EYS: variants seen among roughly 807,000 people sequenced by gnomAD.
EYS encodes EGF-like photoreceptor maintenance factor, also known as protein eyes shut homolog.
Under a neutral mutation model 282.1 loss-of-function variants are expected in EYS, and 250 were observed. The observed-to-expected ratio is 0.89, with a 90% CI of 0.80 to 0.98. The LOEUF is 0.98. Ranked by LOEUF, EYS falls within the 50% of genes least tolerant of loss-of-function variation. EYS has a pLI of 0.00. For missense variants in EYS, 4,016 were observed against 3,709.0 expected (o/e 1.08, Z -2.15); for synonymous variants, 1,355 against 1,282.9 (o/e 1.06, Z -1.20).
intron 33 of EYS, among the ~76,000 whole-genome samples, chr6:63,999,966 A>G (rs923567547): frequency 1.3e-5 from 2 of 152,116 alleles, no homozygotes; most frequent in Non-Finnish European, 2.9e-5. Context: ...TATAAAGTTT[A>G]TTTCGTAGGG....
rs544750114 is a variant in EYS at position 63,897,649 on chromosome 6, T to C, written c.7056-33291A>G. On this transcript the variant is annotated intron_variant, in intron 35 of 42. Transcript: ENST00000503581. ...TGTCAGAACTGTGAGTGAAGACATATCTGTTGTTTTAAGTCACTAAGTTTG... is the reference window on the plus strand; with the variant it reads ...TGTCAGAACTGTGAGTGAAGACATACCTGTTGTTTTAAGTCACTAAGTTTG... Among the ~76,000 whole-genome samples, 7 of 152,354 alleles carry C rather than the reference T, an allele frequency of 4.6e-5. No individual in the cohort carries two copies. The South Asian group carries it at 1.4e-3, about 32-fold the overall frequency.
chr6:65,479,043 G>A (rs1765507807), intron 5 of EYS, among the ~76,000 whole-genome samples: 1 of 149,630 alleles, frequency 6.7e-6, no homozygotes, highest in African/African-American at 2.4e-5. Context: ...GAACTAAAAT[G>A]AATAGAGCCT....
chr6:63,906,149 C>A (rs536268341), intron 35 of EYS, among the ~76,000 whole-genome samples: 1 of 152,164 alleles, frequency 6.6e-6, no homozygotes, highest in Non-Finnish European at 1.5e-5. Flanking sequence ...AGGGTGTCTA[C>A]CTCAATTCTT....
At chr6:65,419,288 A>G (rs1041050408) in intron 5 of EYS, among the ~76,000 whole-genome samples, 4 of 152,008 alleles carry the variant, frequency 2.6e-5, no homozygotes, top group African/African-American at 9.7e-5. Flanking sequence ...GAATATTAAA[A>G]TAGAAATTTT....
At chr6:63,888,405 G>A (rs1342060305) in intron 35 of EYS, among the ~76,000 whole-genome samples, 4 of 152,176 alleles carry the variant, frequency 2.6e-5, no homozygotes, top group Non-Finnish European at 4.4e-5. Flanking sequence ...CTGGCATCTG[G>A]CAGGTGCCCC....
At chr6:63,968,376 GAC>G (rs1392846860) in intron 35 of EYS, among the ~76,000 whole-genome samples, 1 of 152,088 alleles carries the variant, frequency 6.6e-6, no homozygotes, top group African/African-American at 2.4e-5. Flanking sequence ...GCATCTGAGA[GAC>G]AACAAAAGAA....
chr6:65,444,268 A>G (rs1466281621), intron 5 of EYS, among the ~76,000 whole-genome samples: 1 of 152,052 alleles, frequency 6.6e-6, no homozygotes, highest in Non-Finnish European at 1.5e-5. Context: ...AAATCTTCCC[A>G]TACTAAATTT....
intron 12 of EYS, among the ~76,000 whole-genome samples, chr6:65,093,697 C>A (rs1774639223): frequency 6.6e-6 from 1 of 151,326 alleles, no homozygotes; most frequent in Non-Finnish European, 1.5e-5. Context: ...AAGAAGATGG[C>A]AAGGGAAGGA....
intron 19 of EYS, among the ~76,000 whole-genome samples, chr6:64,880,320 T>C (rs895369909): frequency 2.6e-5 from 4 of 152,012 alleles, no homozygotes; most frequent in Non-Finnish European, 4.4e-5. Context: ...ATGGTGCTTT[T>C]TTATATAATT....
Position 63,806,242 on chromosome 6 carries a change from G to C in EYS, c.7359C>G (p.Asn2453Lys), listed in dbSNP as rs748614028. The C allele has an allele frequency of 6.4e-7, 1 of 1,551,586 alleles. No homozygotes were observed. Residue 2453 changes from asparagine (N) to lysine (K), a missense_variant, in exon 37 of 43, where the codon AAC (asparagine) becomes AAG (lysine). Transcript: ENST00000503581. ...TCAAGTTATTTTGCAGTGCTGAGTG[G>C]TTGTTTGCCAGCTGAAACTTCAGGT... ...EFHLKFQLAN[N>K]HSALQNNLIF...
intron 31 of EYS, among the ~76,000 whole-genome samples, chr6:64,095,399 G>A (rs1477719272): frequency 1.3e-5 from 2 of 152,074 alleles, no homozygotes; most frequent in African/African-American, 2.4e-5. Flanking sequence ...AAGTCTCTTT[G>A]TAGGTCTCTA....
At chr6:65,617,364 C>T (rs935696352) in intron 2 of EYS, among the ~76,000 whole-genome samples, 7 of 152,002 alleles carry the variant, frequency 4.6e-5, no homozygotes, top group Non-Finnish European at 1.0e-4. Context: ...AAAAGAAACT[C>T]ACTTGTTACG....
chr6:65,127,771 T>G (rs1775762016), intron 12 of EYS, among the ~76,000 whole-genome samples: 1 of 152,038 alleles, frequency 6.6e-6, no homozygotes, highest in Non-Finnish European at 1.5e-5. Flanking sequence ...CTTAGGCATA[T>G]CATCTCCCAA....
intron 22 of EYS, among the ~76,000 whole-genome samples, chr6:64,676,351 T>TCTATATATATAGAG (rs1769680666): frequency 2.1e-5 from 3 of 145,462 alleles, no homozygotes; most frequent in Admixed American, 1.4e-4. Context: ...TATATATATA[T>TCTATATATATAGAG]AGAGAGAGAG....
At chr6:64,931,980 A>G (rs1013524436) in intron 15 of EYS, among the ~76,000 whole-genome samples, 2 of 152,148 alleles carry the variant, frequency 1.3e-5, no homozygotes, top group African/African-American at 4.8e-5. Flanking sequence ...GAACTAGTCA[A>G]ACATACACTC....
chr6:64,743,292 CAT>C (rs1470992253), intron 22 of EYS, among the ~76,000 whole-genome samples: 1 of 152,028 alleles, frequency 6.6e-6, no homozygotes, highest in Admixed American at 6.6e-5. Flanking sequence ...ATAAATATGA[CAT>C]GTGTAGGTGA....
chr6:64,856,655 T>C (rs1224111120), intron 19 of EYS, among the ~76,000 whole-genome samples: 1 of 152,182 alleles, frequency 6.6e-6, no homozygotes, highest in Non-Finnish European at 1.5e-5. Flanking sequence ...TATTTGTGTA[T>C]TTTGAATATA....
chr6:64,105,660 G>A (rs77368955), intron 31 of EYS, among the ~76,000 whole-genome samples: 14,405 of 151,940 alleles, frequency 0.095, 1,144 homozygotes, highest in African/African-American at 0.23. Flanking sequence ...TGCCTTTTCC[G>A]TAATGCCAGG....
chr6:65,387,410 A>C (rs566816477), intron 7 of EYS, among the ~76,000 whole-genome samples: 1 of 152,010 alleles, frequency 6.6e-6, no homozygotes, highest in Admixed American at 6.6e-5. Context: ...TCAGTGAAAC[A>C]ATATTTACTA....
Sources: allele counts gnomAD v4.1 joint callset (sites outside exome capture counted in the v4.1 genomes callset), GRCh38; gene constraint gnomAD v4.1.1; transcripts MANE v1.5; gene names NCBI Gene and HGNC (gene_info 2026-07-23, HGNC 2026-07-21).